UFSP2: variants seen among roughly 807,000 people sequenced by gnomAD.
The protein encoded by UFSP2 is ufm1-specific protease 2.
UFSP2 carries 43 observed loss-of-function variants against 60.2 expected under a neutral mutation model. The ratio of observed to expected loss-of-function variants is 0.71; its 90% CI spans 0.56 to 0.92. The LOEUF is 0.92. UFSP2 is among the 40% of genes least tolerant of loss of function. The probability of loss-of-function intolerance (pLI) is 0.00; values close to 1 mark genes in which losing one functional copy is unlikely to be tolerated. For missense variants in UFSP2, 520 were observed against 575.0 expected, an observed-to-expected ratio of 0.90 and a Z score of 0.98; for synonymous variants, 183 against 195.1, an observed-to-expected ratio of 0.94 and a Z score of 0.52.
rs1387235155 is a variant in UFSP2 at position 185,422,362 on chromosome 4, C to G, written c.82+123G>C. 1.1e-5 allele frequency: 8 copies of G among 750,518 alleles called. No homozygotes were observed. The East Asian group carries it at 2.2e-4, about 21-fold the overall frequency. 46.5% of individuals were successfully genotyped at this position (750,518 alleles called of 1,614,324 possible). On this transcript the variant is annotated intron_variant, in intron 2 of 11. Coordinates refer to ENST00000264689, the MANE Select transcript of UFSP2 (RefSeq NM_018359.5). ...CTAAGTGTAAGTCCCATTTAATGTA[C>G]TTACTAACAATATAATCTTAGTTCA...
intron 1 of UFSP2, 86 bp downstream of exon 1, chr4:185,425,780 C>T: frequency 1.3e-6 from 2 of 1,554,446 alleles, no homozygotes. Context: ...AGGACCAGCT[C>T]CTTTCAGGCG....
At chr4:185,410,596 T>G (rs1370103643) in intron 7 of UFSP2, among the ~76,000 whole-genome samples, 1 of 151,566 alleles carries the variant, frequency 6.6e-6, no homozygotes, top group East Asian at 1.9e-4. Flanking sequence ...TGCAGTGAGC[T>G]GAGATCATGC....
chr4:185,418,381 C>T (rs1235074756), intron 4 of UFSP2, 60 bp downstream of exon 4: 3 of 1,293,150 alleles, frequency 2.3e-6, no homozygotes, highest in African/African-American at 3.0e-5. Flanking sequence ...AGATTGCACT[C>T]AGTTCCAAAT....
chr4:185,400,016 G>C lies in UFSP2; in HGVS notation c.*376C>G, dbSNP rs748280377. 2 of 1,601,294 alleles carry C rather than the reference G, an allele frequency of 1.2e-6. No individual in the cohort carries two copies. Among genetic ancestry groups the C allele is most frequent in the South Asian group, 2.3e-5 (2 of 88,008 alleles). ...TAATGTTAACGTGTTTTTAAAAACAGATGTCACGTGGGTTATGAAGAAGTC... is the reference window on the plus strand; with the variant it reads ...TAATGTTAACGTGTTTTTAAAAACACATGTCACGTGGGTTATGAAGAAGTC... On this transcript the variant is annotated 3_prime_UTR_variant, in exon 12 of 12. Coordinates refer to ENST00000264689, the MANE Select transcript of UFSP2 (RefSeq NM_018359.5).
In UFSP2 at chr4:185,408,049, A is replaced by T; in HGVS notation, c.1008T>A (p.Asp336Glu). ...CAAATGTTGCTGGTTTGTCCCCGGC[A>T]TCGACTAGAGCCTTGATGTATTTAA... ...THREIQQALVDAGDKPATFVG... is the reference protein window; with the variant it reads ...THREIQQALVEAGDKPATFVG... Residue 336 changes from aspartate to glutamate, a missense_variant, in exon 9 of 12, where the codon GAT becomes GAA. Coordinates refer to ENST00000264689, the MANE Select transcript of UFSP2 (RefSeq NM_018359.5). 6.2e-7 allele frequency: 1 copy of T among 1,614,000 alleles called. No individual in the cohort carries two copies. The highest frequency in any genetic ancestry group is 1.3e-5 in the African/African-American group (1 of 75,062).
Position 185,400,345 on chromosome 4 carries a change from A to T in UFSP2, c.*47T>A. 7.1e-7 allele frequency: 1 copy of T among 1,417,634 alleles called. No individual in the cohort carries two copies. The highest frequency in any genetic ancestry group is 9.8e-7 in the Non-Finnish European group (1 of 1,020,952). 87.8% of individuals were successfully genotyped at this position (1,417,634 alleles called of 1,614,324 possible). Reference sequence around the variant, plus strand: ...GAAAAATTAAACTGATTCTTTATTCACAAATTTATAATACCACTCTACTGC... The same window carrying T: ...GAAAAATTAAACTGATTCTTTATTCTCAAATTTATAATACCACTCTACTGC... On this transcript the variant is annotated 3_prime_UTR_variant, in exon 12 of 12. Transcript: ENST00000264689.
At chr4:185,405,625 A>C (rs553359958) in intron 10 of UFSP2, among the ~76,000 whole-genome samples, 155 bp downstream of exon 10, 9 of 152,332 alleles carry the variant, frequency 5.9e-5, no homozygotes, top group African/African-American at 2.2e-4. Flanking sequence ...CCACCTTAGA[A>C]ATTTTTTTCA....
Position 185,399,805 on chromosome 4 carries a change from C to A in UFSP2, c.*587G>T. ...AACTCAGAGCTGCTGCTTTTTTCCTCCCGCAGTGATCTCTTGTTTGCATAG... is the reference window on the plus strand; with the variant it reads ...AACTCAGAGCTGCTGCTTTTTTCCTACCGCAGTGATCTCTTGTTTGCATAG... On this transcript the variant is annotated 3_prime_UTR_variant, in exon 12 of 12. Transcript: ENST00000264689. 1 of 1,612,556 alleles carries A rather than the reference C, an allele frequency of 6.2e-7. No individual in the cohort carries two copies. The highest frequency in any genetic ancestry group is 1.1e-5 in the South Asian group (1 of 90,782).
In UFSP2 at chr4:185,399,765, G is replaced by T. The variant is rs557567910; in HGVS notation, c.*627C>A. Reference sequence around the variant, plus strand: ...GTGTAGAAAATACCAGTGGGAAAAGGAAGTGCTGGTAAGTAACTCAGAGCT... The same window carrying T: ...GTGTAGAAAATACCAGTGGGAAAAGTAAGTGCTGGTAAGTAACTCAGAGCT... On this transcript the variant is annotated 3_prime_UTR_variant, in exon 12 of 12. Coordinates refer to ENST00000264689, the MANE Select transcript of UFSP2 (RefSeq NM_018359.5). 1.2e-6 allele frequency: 2 copies of T among 1,614,056 alleles called. No homozygotes were observed. Among genetic ancestry groups the T allele is most frequent in the Middle Eastern group, 1.6e-4 (1 of 6,062 alleles).
In UFSP2 at chr4:185,399,711, C is replaced by A; in HGVS notation, c.*681G>T. On this transcript the variant is annotated 3_prime_UTR_variant, in exon 12 of 12. Coordinates refer to ENST00000264689, the MANE Select transcript of UFSP2 (RefSeq NM_018359.5). ...ACCCTGACAGGAATGATTGTGTTGC[C>A]GTGCTCAGACAGAAACGGAGTCTCG... The A allele has an allele frequency of 1.2e-6, 2 of 1,614,064 alleles. No homozygotes were observed. Among genetic ancestry groups the A allele is most frequent in the South Asian group, 2.2e-5 (2 of 91,060 alleles).
Position 185,408,314 on chromosome 4 carries a change from C to T in UFSP2, c.953G>A (p.Gly318Glu), listed in dbSNP as rs767025531. Residue 318 changes from glycine to glutamate, a missense_variant, in exon 8 of 12, where the codon GGA becomes GAA. Coordinates refer to ENST00000264689, the MANE Select transcript of UFSP2 (RefSeq NM_018359.5). ...TGTTGGAATGGACCTCTCTGTGTAT[C>T]CCTGATGTTTGAACCAAGAGCAGAT... ...QTICSWFKHQ[G>E]YTERSIPTHR... The T allele has an allele frequency of 1.2e-6, 2 of 1,614,012 alleles. No individual in the cohort carries two copies. The highest frequency in any genetic ancestry group is 2.2e-5 in the East Asian group (1 of 44,892).
intron 10 of UFSP2, among the ~76,000 whole-genome samples, chr4:185,403,981 A>C (rs2095516595): frequency 6.6e-6 from 1 of 151,094 alleles, no homozygotes; most frequent in East Asian, 1.9e-4. Context: ...AAAAAAACAA[A>C]AAAAAACAAC....
chr4:185,410,378 G>C (rs890349467), intron 7 of UFSP2, among the ~76,000 whole-genome samples: 1 of 152,248 alleles, frequency 6.6e-6, no homozygotes. Context: ...GTCCAGGCAC[G>C]GTGGCTCATG....
intron 11 of UFSP2, 85 bp from the exon 12 acceptor site, chr4:185,400,563 AGG>A (rs942867903): frequency 1.0e-6 from 1 of 971,730 alleles, no homozygotes; most frequent in African/African-American, 1.6e-5. Context: ...CTCTGTCAGC[AGG>A]ACCTTGGAAT....
chr4:185,424,748 C>T (rs1200895163), intron 1 of UFSP2, among the ~76,000 whole-genome samples: 2 of 152,090 alleles, frequency 1.3e-5, no homozygotes, highest in Non-Finnish European at 2.9e-5. Context: ...CAGGAAAGAA[C>T]AAATTTTAAC....
In UFSP2 at chr4:185,400,053, T is replaced by C. The variant is rs1273355626; in HGVS notation, c.*339A>G. 1 of 1,549,954 alleles carries C rather than the reference T, an allele frequency of 6.5e-7. No individual in the cohort carries two copies. The highest frequency in any genetic ancestry group is 8.8e-7 in the Non-Finnish European group (1 of 1,130,254). The stretch of plus-strand genomic sequence containing the variant: ...GTTATGAAGAAGTCTGAAGAACGCC[T>C]TCATTTCATGCAAATCTATAAGCTC... On this transcript the variant is annotated 3_prime_UTR_variant, in exon 12 of 12. Coordinates refer to ENST00000264689, the MANE Select transcript of UFSP2 (RefSeq NM_018359.5).
chr4:185,425,876 A>ACACGGCAGC lies in UFSP2; in HGVS notation c.-9_-8insGCTGCCGTG. Reference sequence around the variant, plus strand: ...AGCAGAGATACTCACCATGTCCGCGACGTGGCGGTGACACGGGCGCTGACG... The same window carrying ACACGGCAGC: ...AGCAGAGATACTCACCATGTCCGCGACACGGCAGCCGTGGCGGTGACACGGGCGCTGACG... On this transcript the variant is annotated 5_prime_UTR_variant, in exon 1 of 12. Transcript: ENST00000264689. 6.2e-7 allele frequency: 1 copy of ACACGGCAGC among 1,602,754 alleles called. No homozygotes were observed. The highest frequency in any genetic ancestry group is 1.1e-5 in the South Asian group (1 of 89,318).
At chr4:185,420,647 A>G (rs2095547791) in intron 2 of UFSP2, among the ~76,000 whole-genome samples, 1 of 152,240 alleles carries the variant, frequency 6.6e-6, no homozygotes, top group Non-Finnish European at 1.5e-5. Flanking sequence ...CAGTTGCACT[A>G]CAAAAGACAA....
At chr4:185,411,492 A>G (rs1015153000) in intron 7 of UFSP2, among the ~76,000 whole-genome samples, 2 of 152,246 alleles carry the variant, frequency 1.3e-5, no homozygotes, top group Non-Finnish European at 2.9e-5. Flanking sequence ...TCACGAACAT[A>G]GATGCAAAAA....
Sources: gnomAD v4.1 joint callset for allele counts (sites outside exome capture counted in the v4.1 genomes callset) on GRCh38, gnomAD v4.1.1 for gene constraint, MANE v1.5 for transcripts, NCBI Gene and HGNC (gene_info 2026-07-23, HGNC 2026-07-21) for gene names.